FOXP1: variants seen among roughly 807,000 people sequenced by gnomAD.
FOXP1 encodes forkhead box protein P1.
A neutral mutation model predicts 98.2 loss-of-function variants in FOXP1; 15 were observed. The ratio of observed to expected loss-of-function variants is 0.15; its 90% CI spans 0.10 to 0.24. The LOEUF (loss-of-function observed/expected upper bound fraction) is 0.24, where lower values mean the gene tolerates loss of function less well. Ranked by LOEUF, FOXP1 falls within the 10% of genes least tolerant of loss-of-function variation. The pLI is 1.00. For missense variants in FOXP1, 633 were observed against 848.5 expected, an observed-to-expected ratio of 0.75 and a Z score of 3.15; for synonymous variants, 371 against 314.5, an observed-to-expected ratio of 1.18 and a Z score of -1.90.
chr3:71,444,426 T>G (rs990167687), intron 3 of FOXP1, among the ~76,000 whole-genome samples: 20 of 151,902 alleles, frequency 1.3e-4, no homozygotes, highest in Admixed American at 1.0e-3. Context: ...CAGAACTTCC[T>G]GCAAGAAACC....
intron 11 of FOXP1, among the ~76,000 whole-genome samples, chr3:71,027,309 T>A (rs768549381): frequency 6.6e-6 from 1 of 152,202 alleles, no homozygotes; most frequent in Non-Finnish European, 1.5e-5. Flanking sequence ...CTCCCCAGTA[T>A]GCTATGGAAG....
intron 20 of FOXP1, among the ~76,000 whole-genome samples, chr3:70,963,065 AG>A (rs1332362634): frequency 3.9e-5 from 6 of 152,238 alleles, no homozygotes; most frequent in African/African-American, 1.4e-4. Flanking sequence ...AAGCTGTAGA[AG>A]TGAAAAAACA....
intron 6 of FOXP1, among the ~76,000 whole-genome samples, chr3:71,176,502 G>A (rs2061944440): frequency 2.0e-5 from 3 of 152,096 alleles, no homozygotes; most frequent in Admixed American, 2.0e-4. Flanking sequence ...GGACCCTAAT[G>A]CCTTAGCTTT....
chr3:71,237,053 G>A (rs1040798853), intron 5 of FOXP1, among the ~76,000 whole-genome samples: 1 of 150,422 alleles, frequency 6.6e-6, no homozygotes, highest in Admixed American at 6.6e-5. Flanking sequence ...CCAACATGGT[G>A]AAACCCCGCC....
At chr3:71,345,871 TAAAAAAAAAA>T (rs71120316) in intron 4 of FOXP1, among the ~76,000 whole-genome samples, 5 of 55,098 alleles carry the variant, frequency 9.1e-5, no homozygotes, top group Non-Finnish European at 1.0e-4. Context: ...AAAGTTTTTG[TAAAAAAAAAA>T]AAAAAAAAAA....
At chr3:71,454,241 A>G (rs781488830) in intron 3 of FOXP1, among the ~76,000 whole-genome samples, 1 of 152,152 alleles carries the variant, frequency 6.6e-6, no homozygotes, top group Non-Finnish European at 1.5e-5. Flanking sequence ...CAGCTGGGAG[A>G]ACTATACTCC....
chr3:71,315,842 A>G (rs1043669109), intron 4 of FOXP1, among the ~76,000 whole-genome samples: 3 of 152,222 alleles, frequency 2.0e-5, no homozygotes, highest in Non-Finnish European at 4.4e-5. Flanking sequence ...GTGCCAGCCC[A>G]TTGCATCTGA....
At chr3:71,296,477 G>A (rs2073307725) in intron 5 of FOXP1, 1 of 151,990 alleles carries the variant, frequency 6.6e-6, no homozygotes, top group South Asian at 2.1e-4. Flanking sequence ...ATACAAATTA[G>A]TCTTTGAAAG....
chr3:71,474,378 A>C (rs938362308), intron 3 of FOXP1, among the ~76,000 whole-genome samples: 1 of 152,218 alleles, frequency 6.6e-6, no homozygotes, highest in African/African-American at 2.4e-5. Flanking sequence ...GGGTATTTCT[A>C]GACAGATTTC....
intron 5 of FOXP1, among the ~76,000 whole-genome samples, chr3:71,215,820 A>C (rs2064870635): frequency 6.6e-6 from 1 of 152,206 alleles, no homozygotes; most frequent in Admixed American, 6.5e-5. Flanking sequence ...TTAAAGGGAA[A>C]AATGCAGAGC....
chr3:71,506,743 C>G (rs2041852502), intron 2 of FOXP1, among the ~76,000 whole-genome samples: 2 of 152,202 alleles, frequency 1.3e-5, no homozygotes, highest in South Asian at 2.1e-4. Flanking sequence ...GCTCTTGCAT[C>G]CAGATTTCCA....
chr3:71,292,306 T>C (rs1466657012), intron 5 of FOXP1, among the ~76,000 whole-genome samples: 1 of 152,190 alleles, frequency 6.6e-6, no homozygotes, highest in Non-Finnish European at 1.5e-5. Context: ...GAGGTTTCTC[T>C]TAATTAAAAA....
chr3:71,455,230 T>TC (rs936692014), intron 3 of FOXP1, among the ~76,000 whole-genome samples: 3 of 151,146 alleles, frequency 2.0e-5, no homozygotes, highest in Non-Finnish European at 4.4e-5. Flanking sequence ...CGAGCACACA[T>TC]CCCCCCCGCC....
rs764151258 is a variant in FOXP1 at position 71,070,886 on chromosome 3, C to T, written c.283-17113G>A. ...ATTCAGGAAGTAGCACTCTTGACAG[C>T]GCTTTAGATGCCGAGTAAATGGTCT... On this transcript the variant is annotated intron_variant, in intron 7 of 20. Coordinates refer to ENST00000649528, the MANE Select transcript of FOXP1 (RefSeq NM_001349338.3). Among the ~76,000 whole-genome samples the T allele has an allele frequency of 4.6e-5, 7 of 152,202 alleles. No homozygotes were observed. In the East Asian group the frequency reaches 7.7e-4, roughly 17 times the overall value.
At chr3:71,321,435 T>A (rs1036537668) in intron 4 of FOXP1, among the ~76,000 whole-genome samples, 1 of 152,080 alleles carries the variant, frequency 6.6e-6, no homozygotes, top group Non-Finnish European at 1.5e-5. Flanking sequence ...TAAGTGACCA[T>A]GGAATAAAAG....
intron 2 of FOXP1, among the ~76,000 whole-genome samples, chr3:71,556,854 T>C (rs906188072): frequency 6.6e-6 from 1 of 152,022 alleles, no homozygotes; most frequent in Non-Finnish European, 1.5e-5. Context: ...TTCACTGCAA[T>C]ATTATTTATT....
At chr3:71,529,792 C>T (rs1436355422) in intron 2 of FOXP1, among the ~76,000 whole-genome samples, 2 of 152,136 alleles carry the variant, frequency 1.3e-5, no homozygotes, top group Non-Finnish European at 2.9e-5. Context: ...ATACCTTGTC[C>T]TGCGACTGTC....
At chr3:71,466,836 G>A (rs1038729337) in intron 3 of FOXP1, among the ~76,000 whole-genome samples, 5 of 152,320 alleles carry the variant, frequency 3.3e-5, no homozygotes, top group African/African-American at 9.6e-5. Flanking sequence ...AGAGACGCAG[G>A]TACAAGCTCT....
intron 5 of FOXP1, among the ~76,000 whole-genome samples, chr3:71,291,649 A>G (rs1217707025): frequency 1.3e-5 from 2 of 152,274 alleles, no homozygotes; most frequent in East Asian, 3.9e-4. Flanking sequence ...ATACACATAA[A>G]ATCCTTACCA....
Sources: allele counts gnomAD v4.1 joint callset (sites outside exome capture counted in the v4.1 genomes callset), GRCh38; gene constraint gnomAD v4.1.1; transcripts MANE v1.5; gene names NCBI Gene and HGNC (gene_info 2026-07-23, HGNC 2026-07-21).